Variants in PCDHAC1 observed in about 807,000 individuals in gnomAD.
The protein encoded by PCDHAC1 is protocadherin alpha subfamily C, 1.
PCDHAC1 carries 42 observed loss-of-function variants against 60.0 expected under a neutral mutation model. The ratio of observed to expected loss-of-function variants is 0.70; its 90% CI spans 0.55 to 0.90. The LOEUF (loss-of-function observed/expected upper bound fraction) is 0.90. PCDHAC1 is among the 40% of genes least tolerant of loss of function. The pLI is 0.00. For synonymous variants in PCDHAC1, 468 were observed against 499.3 expected, an observed-to-expected ratio of 0.94 and a Z score of 0.84; for missense variants, 1,160 against 1,222.3, an observed-to-expected ratio of 0.95 and a Z score of 0.76.
intron 1 of PCDHAC1, among the ~76,000 whole-genome samples, chr5:140,959,555 T>A (rs538493851): frequency 1.3e-5 from 2 of 152,118 alleles, no homozygotes; most frequent in African/African-American, 4.8e-5. Flanking sequence ...ATAAATAGAA[T>A]CAGTACTAGA....
chr5:140,975,868 C>T (rs553871611), intron 1 of PCDHAC1, among the ~76,000 whole-genome samples: 2 of 152,222 alleles, frequency 1.3e-5, no homozygotes, highest in East Asian at 3.9e-4. Flanking sequence ...ATATGGACTA[C>T]CTAATTGATT....
chr5:141,008,470 C>T (rs2098378498), intron 3 of PCDHAC1, among the ~76,000 whole-genome samples: 1 of 152,156 alleles, frequency 6.6e-6, no homozygotes, highest in Non-Finnish European at 1.5e-5. Context: ...GCTCTGACTT[C>T]TACTCTTCTA....
intron 1 of PCDHAC1, among the ~76,000 whole-genome samples, chr5:140,960,011 A>G (rs578052753): frequency 1.2e-4 from 18 of 152,350 alleles, no homozygotes; most frequent in Admixed American, 1.0e-3. Flanking sequence ...TCTATTTTGC[A>G]TCATGATTTT....
rs932495728 is a variant in PCDHAC1, at chr5:140,945,802, C to T, written c.2433+16477C>T. ...AGATGCAGAAAAATGAAACTAGACC[C>T]TTATCTCACACTGTATACAAAAGTC... On this transcript the variant is annotated intron_variant, in intron 1 of 3. Coordinates refer to ENST00000253807, the MANE Select transcript of PCDHAC1 (RefSeq NM_018898.5). Among the ~76,000 whole-genome samples the T allele has an allele frequency of 5.9e-5, 9 of 152,202 alleles. No homozygotes were observed. The East Asian group carries it at 1.7e-3, about 29-fold the overall frequency.
rs894945353 is a variant in PCDHAC1 at position 140,936,140 on chromosome 5, G to A, written c.2433+6815G>A. ...ACTCCTGACCTTAAGTGATCTGCCC[G>A]CCTTGGCCTCCTAAAGTGCTGGGAT... is the stretch of plus-strand genomic sequence containing the variant. On this transcript the variant is annotated intron_variant, in intron 1 of 3. Coordinates refer to ENST00000253807, the MANE Select transcript of PCDHAC1 (RefSeq NM_018898.5). 7.2e-5 allele frequency among the ~76,000 whole-genome samples: 11 copies of A among 152,050 alleles called. 1 individual carries two copies. The highest frequency in any genetic ancestry group is 6.6e-4 in the Admixed American group (10 of 15,256).
At chr5:140,983,470 A>G (rs782117929) in intron 3 of PCDHAC1, among the ~76,000 whole-genome samples, 16 of 152,224 alleles carry the variant, frequency 1.1e-4, no homozygotes, top group Non-Finnish European at 1.5e-4. Context: ...CATCATGATG[A>G]TAATAGTAGT....
At chr5:140,966,955 C>T in intron 1 of PCDHAC1, 1 of 1,602,734 alleles carries the variant, frequency 6.2e-7, no homozygotes, top group East Asian at 2.2e-5. Context: ...ACGTGGCTCG[C>T]GCGCTGGGGC....
At chr5:140,958,515 A>G (rs1217324801) in intron 1 of PCDHAC1, among the ~76,000 whole-genome samples, 1 of 152,150 alleles carries the variant, frequency 6.6e-6, no homozygotes, top group Non-Finnish European at 1.5e-5. Flanking sequence ...TGGCTGTCCA[A>G]TATATACTAT....
At chr5:140,951,098 A>T (rs1480000816) in intron 1 of PCDHAC1, among the ~76,000 whole-genome samples, 1 of 151,264 alleles carries the variant, frequency 6.6e-6, no homozygotes, top group African/African-American at 2.4e-5. Flanking sequence ...TTCTGATAAG[A>T]TTTCCTTTAT....
At chr5:140,937,020 G>A (rs2091265832) in intron 1 of PCDHAC1, among the ~76,000 whole-genome samples, 1 of 151,388 alleles carries the variant, frequency 6.6e-6, no homozygotes. Flanking sequence ...CGATTAACAA[G>A]GTATATTCTT....
At chr5:140,933,106 C>T (rs2088855819) in intron 1 of PCDHAC1, among the ~76,000 whole-genome samples, 1 of 151,884 alleles carries the variant, frequency 6.6e-6, no homozygotes. Context: ...AAAGGTTGTT[C>T]TTAAGAAACA....
intron 3 of PCDHAC1, among the ~76,000 whole-genome samples, chr5:141,000,194 G>A (rs2097896080): frequency 6.6e-6 from 1 of 151,746 alleles, no homozygotes; most frequent in South Asian, 2.1e-4. Context: ...TGTGAGAATA[G>A]TTTTTCACCT....
chr5:140,995,684 A>G (rs2097694657), intron 3 of PCDHAC1, among the ~76,000 whole-genome samples: 1 of 152,144 alleles, frequency 6.6e-6, no homozygotes, highest in Non-Finnish European at 1.5e-5. Context: ...ATTTTTTTTA[A>G]TTGTTAAATA....
In PCDHAC1 at chr5:141,010,844, A is replaced by T. The variant is rs1286149629; in HGVS notation, c.*907A>T. ...TGTTTGTTGTTTCATAGATTTATTT[A>T]AAAAAAGAGAAAGTCTATAGCTATA... On this transcript the variant is annotated 3_prime_UTR_variant, in exon 4 of 4. Coordinates refer to ENST00000253807, the MANE Select transcript of PCDHAC1 (RefSeq NM_018898.5). The T allele has an allele frequency of 1.3e-5, 2 of 153,756 alleles. No homozygotes were observed. The highest frequency in any genetic ancestry group is 2.9e-5 in the Non-Finnish European group (2 of 68,056). 9.5% of individuals were successfully genotyped at this position (153,756 alleles called of 1,614,324 possible).
intron 2 of PCDHAC1, among the ~76,000 whole-genome samples, chr5:140,979,370 G>A (rs1247964519): frequency 6.6e-6 from 1 of 150,650 alleles, no homozygotes; most frequent in Non-Finnish European, 1.5e-5. Context: ...TGAGACTTGG[G>A]TACATTGTGC....
chr5:140,968,323 C>G, intron 1 of PCDHAC1: 1 of 1,614,114 alleles, frequency 6.2e-7, no homozygotes, highest in Non-Finnish European at 8.5e-7. Flanking sequence ...TGCCAGTCAC[C>G]TCCTATGTCT....
chr5:140,929,138 G>C lies in PCDHAC1; in HGVS notation c.2246G>C (p.Arg749Thr), dbSNP rs150967804. 1.1e-4 allele frequency: 183 copies of C among 1,614,054 alleles called. No individual in the cohort carries two copies. Among genetic ancestry groups the C allele is most frequent in the Non-Finnish European group, 1.5e-4 (177 of 1,180,056 alleles). The stretch of plus-strand genomic sequence containing the variant: ...ACCATAGATGTCACTACAGTTGAGA[G>C]ACTTTCTCAGACTTATCTCTATCGG... Reference protein sequence around the residue: ...SATIDVTTVERLSQTYLYRAS... With the variant: ...SATIDVTTVETLSQTYLYRAS... Residue 749 changes from arginine to threonine, a missense_variant, in exon 1 of 4, where the codon AGA becomes ACA. Arg to Thr is a moderately conservative substitution (Grantham distance 71). Coordinates refer to ENST00000253807, the MANE Select transcript of PCDHAC1 (RefSeq NM_018898.5).
chr5:140,937,219 T>A (rs555881657), intron 1 of PCDHAC1, among the ~76,000 whole-genome samples: 4 of 151,838 alleles, frequency 2.6e-5, no homozygotes, highest in East Asian at 3.9e-4. Context: ...TTGTATTTTT[T>A]GTAGAGACGG....
intron 1 of PCDHAC1, among the ~76,000 whole-genome samples, chr5:140,952,753 A>T (rs782624078): frequency 4.6e-5 from 7 of 152,194 alleles, no homozygotes; most frequent in Non-Finnish European, 1.0e-4. Context: ...CTATAAAAAC[A>T]CCTGAGACTG....
Sources: allele counts gnomAD v4.1 joint callset (sites outside exome capture counted in the v4.1 genomes callset), GRCh38; gene constraint gnomAD v4.1.1; transcripts MANE v1.5; gene names NCBI Gene and HGNC (gene_info 2026-07-23, HGNC 2026-07-21).